The following MBD5 variants were observed in gnomAD, a reference collection of about 807,000 sequenced individuals.
The protein encoded by MBD5 is methyl-CpG binding domain protein 5.
MBD5 carries 13 observed loss-of-function variants against 117.3 expected under a neutral mutation model. That is an observed-to-expected ratio of 0.11 (90% CI 0.07 to 0.18). MBD5 has a LOEUF of 0.18. MBD5 is among the 10% of genes least tolerant of loss of function. The probability of loss-of-function intolerance (pLI) is 1.00; values close to 1 mark genes in which losing one functional copy is unlikely to be tolerated. For missense variants in MBD5, 1,879 were observed against 2,093.8 expected, an observed-to-expected ratio of 0.90 and a Z score of 2.00; for synonymous variants, 727 against 766.4, an observed-to-expected ratio of 0.95 and a Z score of 0.85.
chr2:148,354,750 A>G (rs1703334092), intron 4 of MBD5, among the ~76,000 whole-genome samples: 1 of 152,134 alleles, frequency 6.6e-6, no homozygotes, highest in African/African-American at 2.4e-5. Flanking sequence ...AAGCATTCCT[A>G]TTTCTCCACA....
At chr2:148,289,213 A>T (rs1701441436) in intron 3 of MBD5, among the ~76,000 whole-genome samples, 1 of 152,136 alleles carries the variant, frequency 6.6e-6, no homozygotes, top group South Asian at 2.1e-4. Flanking sequence ...AATTAACTTT[A>T]CTCCTATTTA....
intron 4 of MBD5, among the ~76,000 whole-genome samples, chr2:148,366,122 TC>T (rs1227171302): frequency 6.6e-6 from 1 of 152,074 alleles, no homozygotes; most frequent in African/African-American, 2.4e-5. Flanking sequence ...AGAAAGCTCA[TC>T]CACCATGATC....
chr2:148,423,122 A>G (rs955195773), intron 4 of MBD5, among the ~76,000 whole-genome samples: 4 of 152,160 alleles, frequency 2.6e-5, no homozygotes, highest in African/African-American at 7.2e-5. Flanking sequence ...CCCAAGACAC[A>G]TAATTGTCAG....
intron 1 of MBD5, among the ~76,000 whole-genome samples, chr2:148,043,287 AT>A (rs201979806): frequency 8.0e-5 from 12 of 150,830 alleles, no homozygotes; most frequent in Non-Finnish European, 1.6e-4. Context: ...AAATAAAAAA[AT>A]AAATAAATAA....
chr2:148,333,341 A>G (rs1246169129), intron 3 of MBD5, among the ~76,000 whole-genome samples: 2 of 152,162 alleles, frequency 1.3e-5, no homozygotes, highest in Admixed American at 6.5e-5. Context: ...TGTTTTATCC[A>G]GGAACCTAAT....
intron 1 of MBD5, among the ~76,000 whole-genome samples, chr2:148,135,838 A>C (rs6727415): frequency 6.6e-6 from 1 of 151,968 alleles, no homozygotes; most frequent in Non-Finnish European, 1.5e-5. Flanking sequence ...CACAAACACC[A>C]GATAGACCTC....
At chr2:148,404,327 A>G (rs918211912) in intron 4 of MBD5, among the ~76,000 whole-genome samples, 1 of 151,888 alleles carries the variant, frequency 6.6e-6, no homozygotes, top group African/African-American at 2.4e-5. Context: ...ACACTTCTGA[A>G]TATTCTACCC....
At chr2:148,485,580 C>G in intron 9 of MBD5, 162 bp from the exon 10 acceptor site, 2 of 629,544 alleles carry the variant, frequency 3.2e-6, no homozygotes, top group East Asian at 5.5e-5. Context: ...TAAAGCTACT[C>G]TTTCCTTACC....
At chr2:148,152,134 T>A (rs1697692743) in intron 1 of MBD5, among the ~76,000 whole-genome samples, 1 of 152,152 alleles carries the variant, frequency 6.6e-6, no homozygotes, top group Admixed American at 6.5e-5. Context: ...GATTCTGGTA[T>A]GTTGTGTCTT....
At chr2:148,040,182 AAAAGTT>A (rs1694315190) in intron 1 of MBD5, among the ~76,000 whole-genome samples, 1 of 152,160 alleles carries the variant, frequency 6.6e-6, no homozygotes. Context: ...AACCTAAAAT[AAAAGTT>A]AAAAAGTAAT....
chr2:148,489,350 C>T, intron 10 of MBD5, 36 bp from the exon 11 acceptor site: 1 of 1,613,390 alleles, frequency 6.2e-7, no homozygotes, highest in Non-Finnish European at 8.5e-7. Context: ...AAAATTATTT[C>T]CCTTTCTCTC....
chr2:148,305,006 A>G (rs1352528441), intron 3 of MBD5, among the ~76,000 whole-genome samples: 1 of 151,490 alleles, frequency 6.6e-6, no homozygotes, highest in East Asian at 1.9e-4. Flanking sequence ...CGGAGCTTGC[A>G]GTGAGCCGAG....
At chr2:148,315,092 A>G (rs918929752) in intron 3 of MBD5, among the ~76,000 whole-genome samples, 1 of 152,202 alleles carries the variant, frequency 6.6e-6, no homozygotes, top group Admixed American at 6.5e-5. Context: ...GAGGACTCAG[A>G]GGAGCTTGAT....
intron 4 of MBD5, among the ~76,000 whole-genome samples, chr2:148,452,358 A>G (rs1266286574): frequency 6.6e-6 from 1 of 152,048 alleles, no homozygotes; most frequent in African/African-American, 2.4e-5. Flanking sequence ...AAAATTATCC[A>G]GGCCTGGTTT....
intron 4 of MBD5, among the ~76,000 whole-genome samples, chr2:148,432,345 T>C (rs1706016199): frequency 6.6e-6 from 1 of 152,196 alleles, no homozygotes; most frequent in Non-Finnish European, 1.5e-5. Flanking sequence ...TAGTTACTTT[T>C]GCTGTGCAGA....
In MBD5 at chr2:148,261,504, C is replaced by T. The variant is rs1312563630; in HGVS notation, c.-680+28109C>T. ...GGGTCATACTTTTCTTCTGCAGCTT[C>T]CTCACCTCTCTCAGCCTTCAGAGAA... On this transcript the variant is annotated intron_variant, in intron 3 of 13. Transcript: ENST00000642680. Among the ~76,000 whole-genome samples, 3 of 152,204 alleles carry T rather than the reference C, an allele frequency of 2.0e-5. 1 individual carries two copies. The highest frequency in any genetic ancestry group is 7.2e-5 in the African/African-American group (3 of 41,468).
intron 1 of MBD5, among the ~76,000 whole-genome samples, chr2:148,116,961 A>T (rs563399869): frequency 2.6e-4 from 40 of 152,324 alleles, no homozygotes; most frequent in Admixed American, 3.9e-4. Context: ...GTAGAATGGA[A>T]GTTCATTCCT....
intron 1 of MBD5, among the ~76,000 whole-genome samples, chr2:148,029,643 G>A (rs1431858996): frequency 6.6e-6 from 1 of 152,126 alleles, no homozygotes; most frequent in Non-Finnish European, 1.5e-5. Context: ...AACAGCTTCT[G>A]TTTTTGTACA....
intron 2 of MBD5, among the ~76,000 whole-genome samples, chr2:148,207,583 C>A (rs2105990169): frequency 6.6e-6 from 1 of 151,692 alleles, no homozygotes; most frequent in South Asian, 2.1e-4. Context: ...TGAGGAAACA[C>A]TGGAAGCATT....
Sources: allele counts gnomAD v4.1 joint callset (sites outside exome capture counted in the v4.1 genomes callset), GRCh38; gene constraint gnomAD v4.1.1; transcripts MANE v1.5; gene names NCBI Gene and HGNC (gene_info 2026-07-23, HGNC 2026-07-21).